Variants in SEMA6D observed in about 807,000 individuals in gnomAD.
SEMA6D encodes the protein semaphorin-6D.
Under a neutral mutation model 106.6 loss-of-function variants are expected in SEMA6D, and 35 were observed. That is an observed-to-expected ratio of 0.33 (90% CI 0.25 to 0.44). The LOEUF (loss-of-function observed/expected upper bound fraction) is 0.44, where lower values mean the gene tolerates loss of function less well. Ranked by LOEUF, SEMA6D falls within the 20% of genes least tolerant of loss-of-function variation. The pLI is 1.00. For synonymous variants in SEMA6D, 499 were observed against 487.7 expected (o/e 1.02, Z -0.31); for missense variants, 1,185 against 1,345.9 (o/e 0.88, Z 1.87).
chr15:47,463,834 A>C (rs147476564), intron 2 of SEMA6D, among the ~76,000 whole-genome samples: 27 of 152,246 alleles, frequency 1.8e-4, no homozygotes, highest in African/African-American at 6.3e-4. Context: ...GGGAGAACCC[A>C]TTCCTTGCCT....
rs1251461092 is a variant in SEMA6D at position 47,187,676 on chromosome 15, A to C, written c.-239+3258A>C. Among the ~76,000 whole-genome samples the C allele has an allele frequency of 6.6e-5, 10 of 152,252 alleles. No homozygotes were observed. The East Asian group carries it at 1.9e-3, about 29-fold the overall frequency. On this transcript the variant is annotated intron_variant, in intron 1 of 19. Coordinates refer to the SEMA6D transcript ENST00000558014. ...TATGTTGATACCCTTTTTCTTCTTC[A>C]AAATTAATTGCCTTTTAAATTAATA...
chr15:47,196,207 A>C (rs755911411), intron 1 of SEMA6D, among the ~76,000 whole-genome samples: 1 of 152,112 alleles, frequency 6.6e-6, no homozygotes, highest in Non-Finnish European at 1.5e-5. Flanking sequence ...AGACAAGCTC[A>C]GTTCTTGGAC....
chr15:47,376,145 TTATTTCCA>T (rs2039441529), intron 1 of SEMA6D, among the ~76,000 whole-genome samples: 3 of 152,210 alleles, frequency 2.0e-5, no homozygotes, highest in African/African-American at 7.2e-5. Flanking sequence ...ACCTGATCAG[TTATTTCCA>T]GGGACAAGCA....
intron 2 of SEMA6D, among the ~76,000 whole-genome samples, chr15:47,449,091 T>C (rs2042111323): frequency 6.6e-6 from 1 of 152,052 alleles, no homozygotes; most frequent in African/African-American, 2.4e-5. Flanking sequence ...AAATGTCCTA[T>C]ACAGGACATA....
At chr15:47,759,680 A>T in intron 1 of SEMA6D, 65 bp from the exon 2 acceptor site, 1 of 732,576 alleles carries the variant, frequency 1.4e-6, no homozygotes, top group Non-Finnish European at 2.4e-6. Context: ...AACTGAGCTG[A>T]TTACAAACAA....
intron 3 of SEMA6D, among the ~76,000 whole-genome samples, chr15:47,508,709 C>T (rs1488038523): frequency 6.6e-6 from 1 of 152,184 alleles, no homozygotes; most frequent in African/African-American, 2.4e-5. Flanking sequence ...GATTGTTATC[C>T]CGCAGGGAGT....
chr15:47,716,735 C>T (rs946644689), upstream of SEMA6D, among the ~76,000 whole-genome samples: 2 of 151,984 alleles, frequency 1.3e-5, no homozygotes, highest in Non-Finnish European at 2.9e-5. Flanking sequence ...TCATTTCTCC[C>T]ACAACATATT....
chr15:47,376,010 G>T (rs1174225459), intron 1 of SEMA6D, among the ~76,000 whole-genome samples: 4 of 152,334 alleles, frequency 2.6e-5, no homozygotes, highest in African/African-American at 7.2e-5. Context: ...TTAGCTACAG[G>T]AGTATCCTAT....
intron 2 of SEMA6D, among the ~76,000 whole-genome samples, chr15:47,442,991 A>T (rs2041926691): frequency 6.6e-6 from 1 of 152,134 alleles, no homozygotes; most frequent in African/African-American, 2.4e-5. Context: ...AGACAGGCAA[A>T]TACTTCTCTA....
At chr15:47,632,272 C>A (rs1029660225) in intron 4 of SEMA6D, among the ~76,000 whole-genome samples, 1 of 151,824 alleles carries the variant, frequency 6.6e-6, no homozygotes, top group Non-Finnish European at 1.5e-5. Flanking sequence ...TTTATAAAGT[C>A]TATTCTGCTG....
intron 4 of SEMA6D, among the ~76,000 whole-genome samples, chr15:47,631,857 T>C (rs1203990572): frequency 1.3e-5 from 2 of 152,038 alleles, no homozygotes; most frequent in Non-Finnish European, 2.9e-5. Flanking sequence ...TTCTTCTTTA[T>C]TATAATGTGT....
chr15:47,273,765 A>G (rs546495854), intron 1 of SEMA6D, among the ~76,000 whole-genome samples: 3 of 152,344 alleles, frequency 2.0e-5, no homozygotes, highest in African/African-American at 7.2e-5. Flanking sequence ...TCTTTGAGTG[A>G]AGCAGCTCTT....
intron 3 of SEMA6D, among the ~76,000 whole-genome samples, chr15:47,477,471 C>A (rs1007527417): frequency 2.0e-5 from 3 of 152,086 alleles, no homozygotes; most frequent in Non-Finnish European, 4.4e-5. Context: ...TGGAATAACC[C>A]ACTTTTACAA....
At chr15:47,576,608 C>G (rs1305267528) in intron 3 of SEMA6D, among the ~76,000 whole-genome samples, 1 of 152,188 alleles carries the variant, frequency 6.6e-6, no homozygotes, top group Non-Finnish European at 1.5e-5. Flanking sequence ...GGCATTCATT[C>G]TGCTGGCAAA....
chr15:47,304,215 C>T (rs2036136444), intron 1 of SEMA6D, among the ~76,000 whole-genome samples: 1 of 151,956 alleles, frequency 6.6e-6, no homozygotes. Context: ...GTAATCCCAG[C>T]ACTTTGGGAG....
chr15:47,354,197 C>A (rs1034618451), intron 1 of SEMA6D, among the ~76,000 whole-genome samples: 139 of 36,728 alleles, frequency 3.8e-3, no homozygotes, highest in Non-Finnish European at 5.4e-3. Context: ...CTCTCTCTCT[C>A]TCTATATATA....
chr15:47,570,387 C>T (rs554979339), intron 3 of SEMA6D, among the ~76,000 whole-genome samples: 2 of 152,188 alleles, frequency 1.3e-5, no homozygotes, highest in South Asian at 2.1e-4. Flanking sequence ...TGTGAGGGTA[C>T]AATTATATGG....
rs117138706 is a variant in SEMA6D at position 47,398,913 on chromosome 15, C to G, written c.-238-13480C>G. Among the ~76,000 whole-genome samples the G allele has an allele frequency of 2.4e-3, 366 of 152,244 alleles. 6 individuals are homozygous for G. The East Asian group carries it at 0.037, about 16-fold the overall frequency. ...GGAGCCACACTTCCTGAGTGAACTT[C>G]CAGCGGCATAACCTTGGTCAAGACA... On this transcript the variant is annotated intron_variant, in intron 1 of 19. Transcript: ENST00000558014.
chr15:47,292,263 G>A (rs2035621011), intron 1 of SEMA6D, among the ~76,000 whole-genome samples: 1 of 152,234 alleles, frequency 6.6e-6, no homozygotes, highest in African/African-American at 2.4e-5. Flanking sequence ...TTTTTGAGAG[G>A]TTTACAGTGG....
Sources: allele counts gnomAD v4.1 joint callset (sites outside exome capture counted in the v4.1 genomes callset), GRCh38; gene constraint gnomAD v4.1.1; transcripts MANE v1.5; gene names NCBI Gene and HGNC (gene_info 2026-07-23, HGNC 2026-07-21).